The following CDH13 variants were observed in gnomAD, a reference collection of about 807,000 sequenced individuals.
The protein encoded by CDH13 is cadherin-13.
Under a neutral mutation model 63.8 loss-of-function variants are expected in CDH13, and 24 were observed. The observed-to-expected ratio is 0.38, with a 90% CI of 0.27 to 0.53. CDH13 has a LOEUF of 0.53. CDH13 is among the 20% of genes least tolerant of loss of function. The pLI is 0.85. For synonymous variants in CDH13, 503 were observed against 355.3 expected (o/e 1.42, Z -4.67); for missense variants, 1,049 against 903.1 (o/e 1.16, Z -2.07).
At chr16:83,275,235 T>A (rs969489397) in intron 5 of CDH13, among the ~76,000 whole-genome samples, 5 of 152,170 alleles carry the variant, frequency 3.3e-5, no homozygotes, top group Admixed American at 1.3e-4. Context: ...CTGGGCCACA[T>A]AACTTGAGAT....
chr16:82,925,615 G>A (rs766328476), intron 2 of CDH13, among the ~76,000 whole-genome samples: 3 of 152,188 alleles, frequency 2.0e-5, no homozygotes, highest in African/African-American at 4.8e-5. Context: ...GAATGGGTAT[G>A]GCATGGCCAA....
At chr16:83,110,011 T>C (rs971235889) in intron 3 of CDH13, among the ~76,000 whole-genome samples, 3 of 152,254 alleles carry the variant, frequency 2.0e-5, no homozygotes, top group Non-Finnish European at 4.4e-5. Context: ...CGTATGTTTT[T>C]GTTTTATTTT....
chr16:83,006,508 C>T (rs1913512309), intron 2 of CDH13, among the ~76,000 whole-genome samples: 1 of 152,020 alleles, frequency 6.6e-6, no homozygotes, highest in Non-Finnish European at 1.5e-5. Flanking sequence ...AAAAGACTAG[C>T]CAAGCGCTTG....
At chr16:83,525,249 C>T (rs59455828) in intron 7 of CDH13, among the ~76,000 whole-genome samples, 7,142 of 152,226 alleles carry the variant, frequency 0.047, 559 homozygotes, top group African/African-American at 0.16. Context: ...CAGCTTCCAT[C>T]AGTTTCCTGA....
chr16:83,015,673 G>GTATATA (rs1240181770), intron 2 of CDH13, among the ~76,000 whole-genome samples: 2 of 39,996 alleles, frequency 5.0e-5, no homozygotes, highest in African/African-American at 1.5e-4. Flanking sequence ...GTGTGTGTGT[G>GTATATA]TATGTATATA....
At chr16:83,016,724 TG>T (rs1914836450) in intron 2 of CDH13, among the ~76,000 whole-genome samples, 1 of 152,056 alleles carries the variant, frequency 6.6e-6, no homozygotes, top group Admixed American at 6.6e-5. Flanking sequence ...GACCCTGTCC[TG>T]GAATCAAGGT....
intron 2 of CDH13, chr16:82,858,720 A>C: frequency 1.7e-6 from 1 of 591,386 alleles, no homozygotes; most frequent in Non-Finnish European, 3.0e-6. Flanking sequence ...TGCTGTCAGA[A>C]AAGGGGGCTG....
At chr16:82,765,337 T>A (rs1399983403) in intron 1 of CDH13, among the ~76,000 whole-genome samples, 3 of 152,204 alleles carry the variant, frequency 2.0e-5, no homozygotes, top group Non-Finnish European at 4.4e-5. Context: ...CTATTATGCA[T>A]CTGGTGTAAA....
intron 5 of CDH13, among the ~76,000 whole-genome samples, chr16:83,228,428 G>A (rs1046206488): frequency 3.3e-5 from 5 of 152,094 alleles, no homozygotes; most frequent in Admixed American, 1.3e-4. Context: ...TTCATCTCTG[G>A]GGCACCAGAG....
chr16:83,289,188 A>T (rs2089405079), intron 5 of CDH13, among the ~76,000 whole-genome samples: 1 of 141,946 alleles, frequency 7.0e-6, no homozygotes, highest in South Asian at 2.2e-4. Context: ...CTGCATATGA[A>T]TGTGCGTGAA....
intron 1 of CDH13, among the ~76,000 whole-genome samples, chr16:82,831,083 T>G (rs754873175): frequency 6.6e-6 from 1 of 152,076 alleles, no homozygotes; most frequent in South Asian, 2.1e-4. Context: ...ACCAAGCAGC[T>G]TCAGCATCAC....
chr16:83,687,473 A>G (rs1244786405), intron 10 of CDH13, among the ~76,000 whole-genome samples: 1 of 152,102 alleles, frequency 6.6e-6, no homozygotes, highest in East Asian at 1.9e-4. Flanking sequence ...AAACAACCAG[A>G]TCACGCAAGA....
chr16:83,484,593 T>A (rs561251394), intron 6 of CDH13, among the ~76,000 whole-genome samples: 1 of 152,218 alleles, frequency 6.6e-6, no homozygotes, highest in East Asian at 1.9e-4. Flanking sequence ...ATTCACCTTG[T>A]AAAAATAAAC....
intron 8 of CDH13, among the ~76,000 whole-genome samples, chr16:83,645,394 A>C (rs1911694301): frequency 1.3e-5 from 2 of 152,138 alleles, no homozygotes; most frequent in South Asian, 4.1e-4. Flanking sequence ...GAGGACTCCA[A>C]ATGCAGGGAG....
intron 1 of CDH13, among the ~76,000 whole-genome samples, chr16:82,695,734 G>C (rs2030204619): frequency 6.6e-6 from 1 of 152,228 alleles, no homozygotes; most frequent in Non-Finnish European, 1.5e-5. Flanking sequence ...CATAGTGTTA[G>C]AACAGCAGGA....
intron 1 of CDH13, among the ~76,000 whole-genome samples, chr16:82,706,912 C>T (rs560715935): frequency 3.9e-5 from 6 of 152,236 alleles, no homozygotes; most frequent in South Asian, 4.1e-4. Flanking sequence ...AATGTTTTTA[C>T]GAATATTCTA....
chr16:83,434,313 C>G (rs568707005), intron 6 of CDH13, among the ~76,000 whole-genome samples: 7 of 152,308 alleles, frequency 4.6e-5, no homozygotes, highest in Middle Eastern at 3.4e-3. Flanking sequence ...CCTGCTCCAT[C>G]CACTGGCTAG....
rs184728118 is a variant in CDH13, at chr16:83,071,214, C to T, written c.366+38996C>T. ...TATACATGAGTGTTAGAAGCCTCTACAACACAGCAATTGTGGACTGAATGC... is the reference window on the plus strand; with the variant it reads ...TATACATGAGTGTTAGAAGCCTCTATAACACAGCAATTGTGGACTGAATGC... On this transcript the variant is annotated intron_variant, in intron 3 of 13. Coordinates refer to ENST00000567109, the MANE Select transcript of CDH13 (RefSeq NM_001257.5). Among the ~76,000 whole-genome samples the T allele has an allele frequency of 2.1e-3, 316 of 152,276 alleles. 3 individuals carry two copies. Among genetic ancestry groups the T allele is most frequent in the South Asian group, 0.02 (96 of 4,826 alleles).
At chr16:83,528,098 A>G (rs1467840672) in intron 7 of CDH13, among the ~76,000 whole-genome samples, 3 of 152,210 alleles carry the variant, frequency 2.0e-5, no homozygotes, top group East Asian at 1.9e-4. Flanking sequence ...ACTTAGCCCC[A>G]TCTGTATATC....
Sources: allele counts gnomAD v4.1 joint callset (sites outside exome capture counted in the v4.1 genomes callset), GRCh38; gene constraint gnomAD v4.1.1; transcripts MANE v1.5; gene names NCBI Gene and HGNC (gene_info 2026-07-23, HGNC 2026-07-21).